Variants in AGMO observed in about 807,000 individuals in gnomAD.
AGMO encodes glyceryl-ether monooxygenase.
Under a neutral mutation model 60.2 loss-of-function variants are expected in AGMO, and 75 were observed. That is an observed-to-expected ratio of 1.25 (90% confidence interval 1.03 to 1.51). The LOEUF (loss-of-function observed/expected upper bound fraction) is 1.51. AGMO is among the 40% of genes most tolerant of loss of function. The probability of loss-of-function intolerance (pLI) is 0.00; values close to 1 mark genes in which losing one functional copy is unlikely to be tolerated. For synonymous variants in AGMO, 261 were observed against 177.1 expected, an observed-to-expected ratio of 1.47 and a Z score of -3.76; for missense variants, 763 against 525.5, an observed-to-expected ratio of 1.45 and a Z score of -4.42.
At chr7:15,268,920 G>A (rs1783514439) in intron 12 of AGMO, among the ~76,000 whole-genome samples, 1 of 152,028 alleles carries the variant, frequency 6.6e-6, no homozygotes, top group African/African-American at 2.4e-5. Context: ...CATGACTGTT[G>A]AAGCTGGGTG....
chr7:15,465,582 C>T (rs1054062250), intron 3 of AGMO, among the ~76,000 whole-genome samples: 9 of 138,892 alleles, frequency 6.5e-5, no homozygotes, highest in Middle Eastern at 7.4e-3. Flanking sequence ...CTACCACGTC[C>T]GGCTAATTAT....
chr7:15,526,303 C>A (rs554443121), intron 3 of AGMO, among the ~76,000 whole-genome samples: 3 of 152,214 alleles, frequency 2.0e-5, no homozygotes, highest in Non-Finnish European at 4.4e-5. Flanking sequence ...AAAGTTAAGT[C>A]TTGTCTGCAG....
intron 3 of AGMO, among the ~76,000 whole-genome samples, chr7:15,494,842 T>C (rs1338020627): frequency 2.6e-5 from 4 of 152,356 alleles, no homozygotes; most frequent in Admixed American, 2.6e-4. Context: ...CAAAGCCGCT[T>C]CTCTCTCGCA....
intron 3 of AGMO, among the ~76,000 whole-genome samples, chr7:15,538,242 T>G (rs1784528942): frequency 6.6e-6 from 1 of 152,070 alleles, no homozygotes; most frequent in Non-Finnish European, 1.5e-5. Context: ...ATTATTATTA[T>G]TATTATTACA....
the AGMO span, among the ~76,000 whole-genome samples, chr7:15,141,312 G>A: frequency 6.6e-6 from 1 of 152,066 alleles, no homozygotes; most frequent in Non-Finnish European, 1.5e-5. Context: ...GGCGGGGCAC[G>A]GTGGCTCACG....
chr7:15,522,640 C>T (rs192316572), intron 3 of AGMO, among the ~76,000 whole-genome samples: 20 of 152,178 alleles, frequency 1.3e-4, no homozygotes, highest in East Asian at 1.2e-3. Context: ...ACTGGCTAGC[C>T]ATATGCAGAA....
chr7:15,378,409 T>G (rs1478223233), intron 10 of AGMO, among the ~76,000 whole-genome samples: 3 of 152,038 alleles, frequency 2.0e-5, no homozygotes, highest in Non-Finnish European at 2.9e-5. Flanking sequence ...GTCAGAAACT[T>G]GGGATTGCAT....
rs546662437 is a variant in AGMO, at chr7:15,474,696, T to C, written c.410-43588A>G. Among the ~76,000 whole-genome samples the C allele has an allele frequency of 1.1e-3, 170 of 152,112 alleles. 3 individuals are homozygous for C. The South Asian group carries it at 0.03, about 27-fold the overall frequency. ...GGCAACAAAAGCCAAAATTGACAAG[T>C]GGGATCTAATTAAACTAAAGAGCTT... On this transcript the variant is annotated intron_variant, in intron 3 of 12. Transcript: ENST00000342526.
chr7:15,227,881 C>A (rs1782137522), intron 12 of AGMO, among the ~76,000 whole-genome samples: 1 of 152,064 alleles, frequency 6.6e-6, no homozygotes, highest in African/African-American at 2.4e-5. Context: ...CTTTGTAGGT[C>A]AACTTAGAAT....
intron 12 of AGMO, among the ~76,000 whole-genome samples, chr7:15,305,947 T>G (rs958613495): frequency 3.3e-5 from 5 of 151,994 alleles, no homozygotes; most frequent in African/African-American, 9.7e-5. Context: ...AACAAAATTT[T>G]AAAGCAACCA....
the AGMO span, among the ~76,000 whole-genome samples, chr7:15,145,037 C>A: frequency 1.3e-5 from 2 of 152,222 alleles, no homozygotes; most frequent in Admixed American, 1.3e-4. Flanking sequence ...ACCGTGTTAG[C>A]CAGGATGGGC....
chr7:15,553,598 T>A (rs1047019964), intron 2 of AGMO, among the ~76,000 whole-genome samples: 67 of 152,082 alleles, frequency 4.4e-4, no homozygotes, highest in African/African-American at 1.5e-3. Context: ...ATACCTTTTT[T>A]AAAAAAATAT....
chr7:15,205,824 T>C (rs542689641), intron 12 of AGMO, among the ~76,000 whole-genome samples: 32 of 152,240 alleles, frequency 2.1e-4, no homozygotes, highest in African/African-American at 7.2e-4. Context: ...TAAACAAATG[T>C]ATACCCTGGC....
rs147366302 is a variant in AGMO at position 15,464,522 on chromosome 7, A to G, written c.410-33414T>C. Among the ~76,000 whole-genome samples, 411 of 152,264 alleles carry G rather than the reference A, an allele frequency of 2.7e-3. 1 individual carries two copies. Among genetic ancestry groups the G allele is most frequent in the African/African-American group, 9.5e-3 (394 of 41,556 alleles). On this transcript the variant is annotated intron_variant, in intron 3 of 12. Transcript: ENST00000342526. ...ACTTAATTCCTCTGGTAGTTTCTCT[A>G]TTATTACACTTCCTCCACAACCCAT... is the stretch of plus-strand genomic sequence containing the variant.
chr7:15,439,050 C>T lies in AGMO; in HGVS notation c.410-7942G>A, dbSNP rs554204324. 3.0e-4 allele frequency among the ~76,000 whole-genome samples: 46 copies of T among 152,250 alleles called. 1 individual carries two copies. Among genetic ancestry groups the T allele is most frequent in the Middle Eastern group, 6.8e-3 (2 of 294 alleles). Reference sequence around the variant, plus strand: ...AACCAACTAGCATAGCTCAAAATAACATTTTCTTATCATCAACCTTCCAAA... The same window carrying T: ...AACCAACTAGCATAGCTCAAAATAATATTTTCTTATCATCAACCTTCCAAA... On this transcript the variant is annotated intron_variant, in intron 3 of 12. Coordinates refer to ENST00000342526, the MANE Select transcript of AGMO (RefSeq NM_001004320.2).
chr7:15,265,150 G>C (rs1467034170), intron 12 of AGMO, among the ~76,000 whole-genome samples: 1 of 152,102 alleles, frequency 6.6e-6, no homozygotes, highest in Non-Finnish European at 1.5e-5. Context: ...GATGCAGTTG[G>C]AGGCCATTAT....
chr7:15,145,466 A>G, the AGMO span, among the ~76,000 whole-genome samples: 1 of 152,168 alleles, frequency 6.6e-6, no homozygotes, highest in Non-Finnish European at 1.5e-5. Flanking sequence ...AAATATGTAG[A>G]TATGTAGATA....
chr7:15,138,778 G>A, the AGMO span, among the ~76,000 whole-genome samples: 2 of 152,078 alleles, frequency 1.3e-5, no homozygotes, highest in South Asian at 2.1e-4. Flanking sequence ...AAATGCCCAT[G>A]GAGCCTTTAC....
chr7:15,286,083 A>G (rs1459054369), intron 12 of AGMO, among the ~76,000 whole-genome samples: 1 of 152,166 alleles, frequency 6.6e-6, no homozygotes, highest in Non-Finnish European at 1.5e-5. Context: ...CTCAAGATGG[A>G]CCAAAGACTT....
Sources: allele counts gnomAD v4.1 joint callset (sites outside exome capture counted in the v4.1 genomes callset), GRCh38; gene constraint gnomAD v4.1.1; transcripts MANE v1.5; gene names NCBI Gene and HGNC (gene_info 2026-07-23, HGNC 2026-07-21).